STK32B: variants seen among roughly 807,000 people sequenced by gnomAD.
STK32B encodes serine/threonine kinase 32B, also known as serine/threonine-protein kinase 32B.
Under a neutral mutation model 52.6 loss-of-function variants are expected in STK32B, and 43 were observed. The observed-to-expected ratio is 0.82, with a 90% CI of 0.64 to 1.05. STK32B has a LOEUF of 1.05. Among genes scored for constraint, STK32B ranks in the 50% least tolerant of loss-of-function variants. STK32B has a pLI of 0.00. For missense variants in STK32B, 621 were observed against 534.6 expected, an observed-to-expected ratio of 1.16 and a Z score of -1.59; for synonymous variants, 238 against 204.3, an observed-to-expected ratio of 1.17 and a Z score of -1.41.
chr4:5,143,394 A>G (rs967273959), intron 2 of STK32B, among the ~76,000 whole-genome samples: 1 of 152,196 alleles, frequency 6.6e-6, no homozygotes, highest in Admixed American at 6.5e-5. Context: ...GACAGGTGCC[A>G]CTTTGGATCC....
intron 1 of STK32B, among the ~76,000 whole-genome samples, chr4:5,100,778 T>TCC: frequency 3.0e-4 from 1 of 3,296 alleles, no homozygotes; most frequent in Admixed American, 2.7e-3. Flanking sequence ...CCTCCTTCCC[T>TCC]TCTTCCTTCC....
chr4:5,463,801 C>T (rs1560436998), intron 9 of STK32B, among the ~76,000 whole-genome samples: 2 of 152,160 alleles, frequency 1.3e-5, no homozygotes, highest in South Asian at 4.2e-4. Context: ...GGATCCCTTC[C>T]TCTCCTTGTC....
intron 3 of STK32B, among the ~76,000 whole-genome samples, chr4:5,224,842 T>A (rs975673736): frequency 4.6e-5 from 7 of 152,200 alleles, no homozygotes; most frequent in Admixed American, 2.0e-4. Flanking sequence ...ATAATACTTA[T>A]AGAGTTGTGA....
intron 11 of STK32B, among the ~76,000 whole-genome samples, chr4:5,495,603 G>C (rs1720162715): frequency 6.6e-6 from 1 of 152,178 alleles, no homozygotes; most frequent in South Asian, 2.1e-4. Flanking sequence ...CTCCAGCTTT[G>C]TTCCGTTGCT....
chr4:5,333,586 C>T (rs758116309), intron 4 of STK32B, among the ~76,000 whole-genome samples: 4 of 152,152 alleles, frequency 2.6e-5, no homozygotes, highest in Non-Finnish European at 4.4e-5. Flanking sequence ...CCTAGGTTTT[C>T]TTCTAGAGTT....
At chr4:5,427,705 C>A (rs1713217920) in intron 6 of STK32B, among the ~76,000 whole-genome samples, 2 of 152,052 alleles carry the variant, frequency 1.3e-5, no homozygotes, top group Non-Finnish European at 2.9e-5. Context: ...GTGTAATATC[C>A]CCTTATTATC....
Position 5,055,955 on chromosome 4 carries a change from A to C in STK32B, c.52+4040A>C, listed in dbSNP as rs557021765. On this transcript the variant is annotated intron_variant, in intron 1 of 11. Transcript: ENST00000282908. ...TTGTCTGTCTTTCTCCACTCAGTGCAAGTACCTTAAATCAGGGATCCACAA... is the reference window on the plus strand; with the variant it reads ...TTGTCTGTCTTTCTCCACTCAGTGCCAGTACCTTAAATCAGGGATCCACAA... Among the ~76,000 whole-genome samples the C allele has an allele frequency of 4.6e-5, 7 of 152,184 alleles. No individual in the cohort carries two copies. The South Asian group carries it at 8.3e-4, about 18-fold the overall frequency.
chr4:5,030,052 A>C, the STK32B span, among the ~76,000 whole-genome samples: 28 of 152,246 alleles, frequency 1.8e-4, 1 homozygote, highest in South Asian at 2.7e-3. Flanking sequence ...TTCCACCATG[A>C]TGGTTAAGTT....
In STK32B at chr4:5,460,744, G is replaced by C. The variant is rs137937586; in HGVS notation, c.909+516G>C. ...ACTGAGCCTTCCAGGCAAAGGGATC[G>C]ACAAGATCACACTCTTGAAGGCAGC... On this transcript the variant is annotated intron_variant, in intron 9 of 11. Transcript: ENST00000282908. This position sits in a 1 kb window ranked among gnomAD's most constrained non-coding sequence, Gnocchi z 4.8. Among the ~76,000 whole-genome samples the C allele has an allele frequency of 2.0e-5, 3 of 152,158 alleles. No individual in the cohort carries two copies. The highest frequency in any genetic ancestry group is 6.6e-5 in the Admixed American group (1 of 15,266).
At chr4:5,371,784 C>G (rs1335002626) in intron 4 of STK32B, among the ~76,000 whole-genome samples, 1 of 152,216 alleles carries the variant, frequency 6.6e-6, no homozygotes, top group Non-Finnish European at 1.5e-5. Context: ...TGACTGAGTT[C>G]CAATGAAACT....
Position 5,380,095 on chromosome 4 carries a change from C to G in STK32B, c.435-18112C>G, listed in dbSNP as rs1171855251. On this transcript the variant is annotated intron_variant, in intron 4 of 11. Coordinates refer to ENST00000282908, the MANE Select transcript of STK32B (RefSeq NM_018401.3). This position sits in a 1 kb window ranked among gnomAD's most constrained non-coding sequence, Gnocchi z 4.3. ...TCACTGTGCAGAGCATCTCCCCAGC[C>G]CACTGCTTGCTTCTCAGGGGCAATT... Among the ~76,000 whole-genome samples the G allele has an allele frequency of 1.3e-5, 2 of 152,168 alleles. No homozygotes were observed. Among genetic ancestry groups the G allele is most frequent in the African/African-American group, 4.8e-5 (2 of 41,440 alleles).
chr4:5,027,150 C>T, the STK32B span, among the ~76,000 whole-genome samples: 1 of 152,174 alleles, frequency 6.6e-6, no homozygotes, highest in African/African-American at 2.4e-5. Context: ...ACATCTTCCC[C>T]TGTTTATGTG....
intron 1 of STK32B, among the ~76,000 whole-genome samples, chr4:5,122,034 A>ACTCATTCATTCACTCG (rs1429387844): frequency 8.5e-5 from 13 of 152,302 alleles, no homozygotes; most frequent in Non-Finnish European, 2.9e-5. Context: ...CCATTCACTC[A>ACTCATTCATTCACTCG]CTCATTCATT....
chr4:5,270,271 T>G (rs1462610111), intron 3 of STK32B, among the ~76,000 whole-genome samples: 2 of 152,056 alleles, frequency 1.3e-5, no homozygotes, highest in Non-Finnish European at 2.9e-5. Flanking sequence ...GGAAGCCAGT[T>G]TGAGTCCCAA....
chr4:5,155,956 C>T (rs1182112685), intron 2 of STK32B, among the ~76,000 whole-genome samples: 1 of 152,020 alleles, frequency 6.6e-6, no homozygotes, highest in African/African-American at 2.4e-5. Context: ...TATACATATA[C>T]ATAGATATGC....
rs1382160053 is a variant in STK32B, at chr4:5,380,102, T to C, written c.435-18105T>C. 6.6e-6 allele frequency among the ~76,000 whole-genome samples: 1 copy of C among 152,176 alleles called. No individual in the cohort carries two copies. Among genetic ancestry groups the C allele is most frequent in the Admixed American group, 6.5e-5 (1 of 15,280 alleles). ...GCAGAGCATCTCCCCAGCCCACTGC[T>C]TGCTTCTCAGGGGCAATTTGAATAT... On this transcript the variant is annotated intron_variant, in intron 4 of 11. Coordinates refer to ENST00000282908, the MANE Select transcript of STK32B (RefSeq NM_018401.3). This position sits in a 1 kb window ranked among gnomAD's most constrained non-coding sequence, Gnocchi z 4.3.
chr4:5,407,545 C>G (rs139789793), intron 5 of STK32B, among the ~76,000 whole-genome samples: 3,208 of 152,216 alleles, frequency 0.021, 113 homozygotes, highest in African/African-American at 0.072. Context: ...ACTCACAGTT[C>G]CACAGGCTGT....
intron 3 of STK32B, among the ~76,000 whole-genome samples, chr4:5,238,075 G>A (rs922862000): frequency 6.6e-6 from 1 of 152,090 alleles, no homozygotes; most frequent in African/African-American, 2.4e-5. Context: ...TGATGAACAC[G>A]TAGGAAGCAT....
intron 1 of STK32B, among the ~76,000 whole-genome samples, chr4:5,129,685 C>T (rs962695534): frequency 3.9e-5 from 6 of 152,128 alleles, no homozygotes; most frequent in Non-Finnish European, 8.8e-5. Flanking sequence ...ACCTTTAGTA[C>T]CTTACCGCAT....
Sources: allele counts gnomAD v4.1 joint callset (sites outside exome capture counted in the v4.1 genomes callset), GRCh38; gene constraint gnomAD v4.1.1; non-coding constraint Gnocchi (gnomAD v3.1); transcripts MANE v1.5; gene names NCBI Gene and HGNC (gene_info 2026-07-23, HGNC 2026-07-21).